Variants in TPCN1 observed in about 807,000 individuals in gnomAD.
TPCN1 encodes the protein two pore channel protein 1.
Under a neutral mutation model 108.8 loss-of-function variants are expected in TPCN1, and 52 were observed. That is an observed-to-expected ratio of 0.48 (90% CI 0.38 to 0.60). The LOEUF (loss-of-function observed/expected upper bound fraction) is 0.60. Ranked by LOEUF, TPCN1 falls within the 20% of genes least tolerant of loss-of-function variation. TPCN1 has a pLI of 0.00. For synonymous variants in TPCN1, 446 were observed against 433.7 expected (o/e 1.03, Z -0.35); for missense variants, 806 against 1,072.8 (o/e 0.75, Z 3.47).
At chr12:113,265,046 G>A (rs756758583) in intron 3 of TPCN1, among the ~76,000 whole-genome samples, 44 of 151,970 alleles carry the variant, frequency 2.9e-4, no homozygotes, top group Non-Finnish European at 4.6e-4. Flanking sequence ...GGCCGGCCTC[G>A]AACTCCTGAC....
At chr12:113,280,746 T>C (rs1955859660) in intron 15 of TPCN1, among the ~76,000 whole-genome samples, 1 of 152,216 alleles carries the variant, frequency 6.6e-6, no homozygotes, top group East Asian at 1.9e-4. Context: ...AAATTTGTAT[T>C]GTCACAGAAA....
At chr12:113,277,507 C>T in intron 12 of TPCN1, 143 bp downstream of exon 12, 1 of 994,824 alleles carries the variant, frequency 1.0e-6, no homozygotes, top group Non-Finnish European at 1.5e-6. Flanking sequence ...TCCATGTAGA[C>T]TTACACACTG....
Position 113,269,006 on chromosome 12 carries a change from T to G in TPCN1, c.659+134T>G. 1 of 1,013,052 alleles carries G rather than the reference T, an allele frequency of 9.9e-7. No homozygotes were observed. Among genetic ancestry groups the G allele is most frequent in the Non-Finnish European group, 1.5e-6 (1 of 682,516 alleles). 62.8% of individuals were successfully genotyped at this position (1,013,052 alleles called of 1,614,324 possible). On this transcript the variant is annotated intron_variant, in intron 6 of 27. Transcript: ENST00000335509. The surrounding 1 kb of genome is among the most constrained non-coding windows in gnomAD (Gnocchi z 5.0). The stretch of plus-strand genomic sequence containing the variant: ...GCTGGTGGAGTACACGCAGACTCAC[T>G]CTCCCTCTGCCATTCCATCCACGCA...
intron 2 of TPCN1, among the ~76,000 whole-genome samples, chr12:113,256,946 G>A (rs1954850002): frequency 6.6e-6 from 1 of 152,084 alleles, no homozygotes; most frequent in African/African-American, 2.4e-5. Flanking sequence ...TGTTAGAAAA[G>A]AATGAGAAGA....
rs1295036325 is a variant in TPCN1 at position 113,284,604 on chromosome 12, G to A, written c.1366G>A (p.Val456Ile). Reference sequence around the variant, plus strand: ...AGACTTGGTGGTGGCAGTCAACGGGGTCTGGATCCTCGTGGAGACATTTAT... The same window carrying A: ...AGACTTGGTGGTGGCAGTCAACGGGATCTGGATCCTCGTGGAGACATTTAT... ...FMYLVVAVNG[V>I]WILVETFMLK... The change falls in exon 16 of 28, where the codon GTC (valine) becomes ATC (isoleucine). Residue 456 changes from valine to isoleucine, a missense_variant. By Grantham distance (29) the Val-to-Ile change is conservative. Transcript: ENST00000335509. The surrounding 1 kb of genome is among the most constrained non-coding windows in gnomAD (Gnocchi z 4.1). 6.2e-7 allele frequency: 1 copy of A among 1,614,074 alleles called. No individual in the cohort carries two copies. The highest frequency in any genetic ancestry group is 2.2e-5 in the East Asian group (1 of 44,896).
chr12:113,223,435 C>CTTTTTTTTTTTTTTT (rs1172851714), intron 1 of TPCN1, among the ~76,000 whole-genome samples: 11 of 120,284 alleles, frequency 9.1e-5, no homozygotes, highest in East Asian at 4.9e-4. Context: ...TCTGCTGAGT[C>CTTTTTTTTTTTTTTT]TTTTTTTTTT....
chr12:113,246,539 G>A (rs562592127), intron 2 of TPCN1, among the ~76,000 whole-genome samples: 46 of 152,284 alleles, frequency 3.0e-4, no homozygotes, highest in African/African-American at 1.1e-3. Context: ...AATCCTGCCC[G>A]CCTGCCCACG....
In TPCN1 at chr12:113,269,221, G is replaced by A. The variant is rs1473577957; in HGVS notation, c.659+349G>A. 2.0e-5 allele frequency among the ~76,000 whole-genome samples: 3 copies of A among 152,224 alleles called. No homozygotes were observed. Among genetic ancestry groups the A allele is most frequent in the Admixed American group, 2.0e-4 (3 of 15,288 alleles). ...CCTGCCACCTCCATCGAGGCTGTAG[G>A]ACCAAACTCAAACCAGACCAAGCCT... On this transcript the variant is annotated intron_variant, in intron 6 of 27. Coordinates refer to ENST00000335509, the MANE Select transcript of TPCN1 (RefSeq NM_017901.6). This position sits in a 1 kb window ranked among gnomAD's most constrained non-coding sequence, Gnocchi z 5.0.
intron 1 of TPCN1, among the ~76,000 whole-genome samples, chr12:113,223,900 TACTC>T (rs913878557): frequency 4.6e-5 from 7 of 152,068 alleles, no homozygotes; most frequent in Non-Finnish European, 8.8e-5. Flanking sequence ...TATTAAAAAA[TACTC>T]ACCAGTTAAA....
rs1253144163 is a variant in TPCN1, at chr12:113,279,684, G to A, written c.1298-467G>A. ...CTCCCAAAGGCCTGGGATTACAGGC[G>A]TGAGCCACTGCGCCCGACCCCGATA... On this transcript the variant is annotated intron_variant, in intron 14 of 27. Coordinates refer to ENST00000335509, the MANE Select transcript of TPCN1 (RefSeq NM_017901.6). Among the ~76,000 whole-genome samples the A allele has an allele frequency of 3.3e-5, 5 of 151,946 alleles. No individual in the cohort carries two copies. The East Asian group carries it at 9.7e-4, about 29-fold the overall frequency.
chr12:113,244,110 T>C (rs7316638), intron 2 of TPCN1, among the ~76,000 whole-genome samples: 149,682 of 152,366 alleles, frequency 0.98, 73,560 homozygotes, highest in East Asian at 1. Flanking sequence ...ACAGTGAACC[T>C]CTCTGGACTT....
intron 2 of TPCN1, among the ~76,000 whole-genome samples, chr12:113,243,613 G>T (rs1167435520): frequency 6.6e-6 from 1 of 152,002 alleles, no homozygotes; most frequent in Non-Finnish European, 1.5e-5. Context: ...AATTAGCTGG[G>T]TGTGGTGGCA....
chr12:113,273,210 T>C lies in TPCN1; in HGVS notation c.784-22T>C. ...TGTGCTCTTGGCTGGTCCCGACTTCTCTGCCCTCTCTTCCCTTGCAGTACT... is the reference window on the plus strand; with the variant it reads ...TGTGCTCTTGGCTGGTCCCGACTTCCCTGCCCTCTCTTCCCTTGCAGTACT... On this transcript the variant is annotated intron_variant, in intron 8 of 27. Coordinates refer to ENST00000335509, the MANE Select transcript of TPCN1 (RefSeq NM_017901.6). This position sits in a 1 kb window ranked among gnomAD's most constrained non-coding sequence, Gnocchi z 4.0. 1 of 1,613,948 alleles carries C rather than the reference T, an allele frequency of 6.2e-7. No individual in the cohort carries two copies.
At position 113,282,472 on chromosome 12, in the gene TPCN1, G is replaced by A. The variant is rs533628197; in HGVS notation, c.1343-2109G>A. Among the ~76,000 whole-genome samples the A allele has an allele frequency of 8.4e-4, 128 of 151,986 alleles. 1 individual carries two copies. The highest frequency in any genetic ancestry group is 3.0e-3 in the African/African-American group (124 of 41,474). On this transcript the variant is annotated intron_variant, in intron 15 of 27. Coordinates refer to ENST00000335509, the MANE Select transcript of TPCN1 (RefSeq NM_017901.6). ...TGGCATTTAATTTTGTTTTATGGCC[G>A]GGCATGGTGGCTCAGACCTAAAATC... is the stretch of plus-strand genomic sequence containing the variant.
At chr12:113,261,982 G>T (rs1177299479) in intron 3 of TPCN1, among the ~76,000 whole-genome samples, 2 of 152,182 alleles carry the variant, frequency 1.3e-5, no homozygotes, top group African/African-American at 4.8e-5. Flanking sequence ...TGCACAGGAA[G>T]TATTTCCTCT....
Position 113,289,486 on chromosome 12 carries a change from T to C in TPCN1, c.1796+639T>C, listed in dbSNP as rs547289218. 6.6e-6 allele frequency among the ~76,000 whole-genome samples: 1 copy of C among 152,236 alleles called. No individual in the cohort carries two copies. The highest frequency in any genetic ancestry group is 1.9e-4 in the East Asian group (1 of 5,178). The stretch of plus-strand genomic sequence containing the variant: ...GGAACCAGAAGCCTATAGCAGTGGG[T>C]CCCAGACTTTAGAGCCCATTGCAGT... On this transcript the variant is annotated intron_variant, in intron 21 of 27. Coordinates refer to ENST00000335509, the MANE Select transcript of TPCN1 (RefSeq NM_017901.6). The surrounding 1 kb of genome is among the most constrained non-coding windows in gnomAD (Gnocchi z 4.1).
At chr12:113,270,917 G>T (rs1236859838) in intron 7 of TPCN1, among the ~76,000 whole-genome samples, 1 of 152,164 alleles carries the variant, frequency 6.6e-6, no homozygotes, top group African/African-American at 2.4e-5. Context: ...AGGGGCAGGG[G>T]ACACAAACAT....
intron 2 of TPCN1, among the ~76,000 whole-genome samples, chr12:113,254,141 G>A (rs930619295): frequency 1.3e-5 from 2 of 152,168 alleles, no homozygotes; most frequent in Non-Finnish European, 2.9e-5. Flanking sequence ...AATAAGAATA[G>A]AAAACCTGAG....
In TPCN1 at chr12:113,288,442, T is replaced by C; in HGVS notation, c.1706+208T>C. 6.7e-7 allele frequency: 1 copy of C among 1,486,912 alleles called. No homozygotes were observed. Among genetic ancestry groups the C allele is most frequent in the South Asian group, 1.3e-5 (1 of 76,116 alleles). 92.1% of individuals were successfully genotyped at this position (1,486,912 alleles called of 1,614,324 possible). On this transcript the variant is annotated intron_variant, in intron 20 of 27. Coordinates refer to ENST00000335509, the MANE Select transcript of TPCN1 (RefSeq NM_017901.6). This position sits in a 1 kb window ranked among gnomAD's most constrained non-coding sequence, Gnocchi z 4.8. ...CCACTGACCTGTCTGACATATTTAG[T>C]AGGGAGGGCAGGGAGCTGTCAACTC...
Sources: allele counts gnomAD v4.1 joint callset (sites outside exome capture counted in the v4.1 genomes callset), GRCh38; gene constraint gnomAD v4.1.1; non-coding constraint Gnocchi (gnomAD v3.1); transcripts MANE v1.5; gene names NCBI Gene and HGNC (gene_info 2026-07-23, HGNC 2026-07-21).